GLYATL3: variants seen among roughly 807,000 people sequenced by gnomAD.
GLYATL3 encodes glycine N-acyltransferase-like protein 3.
A neutral mutation model predicts 28.5 loss-of-function variants in GLYATL3; 31 were observed. The observed-to-expected ratio is 1.09, with a 90% CI of 0.82 to 1.47. GLYATL3 has a LOEUF of 1.47. GLYATL3 is among the 40% of genes most tolerant of loss of function. The probability of loss-of-function intolerance (pLI) is 0.00; values close to 1 mark genes in which losing one functional copy is unlikely to be tolerated. For synonymous variants in GLYATL3, 141 were observed against 140.2 expected (o/e 1.01, Z -0.04); for missense variants, 369 against 351.5 (o/e 1.05, Z -0.40).
At chr6:49,516,896 G>A (rs1349346967) in intron 3 of GLYATL3, among the ~76,000 whole-genome samples, 1 of 151,684 alleles carries the variant, frequency 6.6e-6, no homozygotes, top group Non-Finnish European at 1.5e-5. Flanking sequence ...GGTGGCTCAT[G>A]CCTGTAATGC....
intron 1 of GLYATL3, among the ~76,000 whole-genome samples, chr6:49,509,726 A>C (rs1769078536): frequency 6.6e-6 from 1 of 152,216 alleles, no homozygotes; most frequent in Admixed American, 6.5e-5. Context: ...ACGAGTATTG[A>C]ATTGGGAATT....
chr6:49,524,209 T>G (rs1025759919), intron 5 of GLYATL3, among the ~76,000 whole-genome samples: 1 of 22,742 alleles, frequency 4.4e-5, no homozygotes, highest in African/African-American at 1.2e-4. Context: ...TAAAGTTCAT[T>G]TTCAAAAACT....
chr6:49,520,666 A>G (rs1417655801), intron 4 of GLYATL3, among the ~76,000 whole-genome samples: 1 of 152,214 alleles, frequency 6.6e-6, no homozygotes, highest in Admixed American at 6.5e-5. Flanking sequence ...AGGATGGAGT[A>G]GATGGGGATT....
rs146797482 is a variant in GLYATL3 at position 49,508,709 on chromosome 6, C to A, written c.-28-3254C>A. Among the ~76,000 whole-genome samples, 22 of 152,304 alleles carry A rather than the reference C, an allele frequency of 1.4e-4. No homozygotes were observed. The East Asian group carries it at 4.2e-3, about 29-fold the overall frequency. On this transcript the variant is annotated intron_variant, in intron 1 of 5. Transcript: ENST00000371197. ...GGCTCTCTGCAGGGGAAGCACATCACGTGCTGTTGGCTCATTCTGGCAGTC... is the reference window on the plus strand; with the variant it reads ...GGCTCTCTGCAGGGGAAGCACATCAAGTGCTGTTGGCTCATTCTGGCAGTC...
At position 49,512,015 on chromosome 6, in the gene GLYATL3, A is replaced by G; in HGVS notation, c.25A>G (p.Lys9Glu). The change falls in exon 2 of 6, where the codon AAA becomes GAA. Residue 9 changes from lysine (K) to glutamate (E), a missense_variant. Transcript: ENST00000371197. ...GATGTTGGTGCTAAACTGTTCTACC[A>G]AATTACTGATACTGGAGAAAATGTT... is the stretch of plus-strand genomic sequence containing the variant. Reference protein sequence around the residue: MLVLNCSTKLLILEKMLKS... With the variant: MLVLNCSTELLILEKMLKS... 1.3e-6 allele frequency: 2 copies of G among 1,505,142 alleles called. No homozygotes were observed. Among genetic ancestry groups the G allele is most frequent in the South Asian group, 2.5e-5 (2 of 80,718 alleles). 93.2% of individuals were successfully genotyped at this position (1,505,142 alleles called of 1,614,324 possible).
chr6:49,506,047 G>A lies in GLYATL3; in HGVS notation c.-28-5916G>A, dbSNP rs1769005346. On this transcript the variant is annotated intron_variant, in intron 1 of 5. Transcript: ENST00000371197. ...AAATAGATGAGATAATGCATAAGCAGGGATGCCTATGGTTGGTCTGAGATA... is the reference window on the plus strand; with the variant it reads ...AAATAGATGAGATAATGCATAAGCAAGGATGCCTATGGTTGGTCTGAGATA... 2.6e-5 allele frequency among the ~76,000 whole-genome samples: 4 copies of A among 152,206 alleles called. No individual in the cohort carries two copies. The South Asian group carries it at 6.2e-4, about 24-fold the overall frequency.
At chr6:49,515,788 A>T (rs1370009653) in intron 3 of GLYATL3, 28 bp downstream of exon 3, 1 of 1,316,222 alleles carries the variant, frequency 7.6e-7, no homozygotes, top group Non-Finnish European at 1.1e-6. Context: ...AAAAAGTTTA[A>T]AAATAATAAG....
At chr6:49,525,833 T>A (rs1193884026) in intron 5 of GLYATL3, among the ~76,000 whole-genome samples, 1 of 152,178 alleles carries the variant, frequency 6.6e-6, no homozygotes, top group East Asian at 1.9e-4. Flanking sequence ...GTTGGTTTTG[T>A]GTCAAGTTAG....
At chr6:49,521,580 C>T in intron 4 of GLYATL3, 65 bp from the exon 5 acceptor site, 1 of 1,430,556 alleles carries the variant, frequency 7.0e-7, no homozygotes, top group Non-Finnish European at 9.5e-7. Context: ...ATTACTGCAA[C>T]AAATTTCCTT....
Position 49,526,673 on chromosome 6 carries a change from T to G in GLYATL3, c.626T>G (p.Phe209Cys), listed in dbSNP as rs1233273623. The G allele has an allele frequency of 1.5e-5, 23 of 1,551,672 alleles. No homozygotes were observed. The highest frequency in any genetic ancestry group is 1.9e-5 in the Non-Finnish European group (22 of 1,147,022). ...NPVSWSITDQ[F>C]ATMCHGYTLP... ...GTCTCCTGGTCCATCACAGACCAGTTTGCCACCATGTGCCATGGCTACACC... is the reference window on the plus strand; with the variant it reads ...GTCTCCTGGTCCATCACAGACCAGTGTGCCACCATGTGCCATGGCTACACC... The change falls in exon 6 of 6, where the codon TTT becomes TGT. Residue 209 changes from phenylalanine (F) to cysteine (C), a missense_variant. Transcript: ENST00000371197.
chr6:49,504,407 C>T (rs1450259238), intron 1 of GLYATL3, among the ~76,000 whole-genome samples: 4 of 151,980 alleles, frequency 2.6e-5, no homozygotes, highest in Non-Finnish European at 5.9e-5. Flanking sequence ...CAAGCATAGC[C>T]TCTACCCCAC....
chr6:49,508,037 C>T (rs1172816489), intron 1 of GLYATL3, among the ~76,000 whole-genome samples: 1 of 152,112 alleles, frequency 6.6e-6, no homozygotes, highest in Admixed American at 6.5e-5. Flanking sequence ...TCTAACAGAG[C>T]TTTAAAACAG....
At chr6:49,508,207 A>G (rs949172570) in intron 1 of GLYATL3, among the ~76,000 whole-genome samples, 25 of 152,052 alleles carry the variant, frequency 1.6e-4, no homozygotes, top group African/African-American at 5.1e-4. Context: ...GAGGCAGGAG[A>G]ATGGCGTGAA....
intron 4 of GLYATL3, among the ~76,000 whole-genome samples, chr6:49,520,335 T>C (rs1008821311): frequency 1.3e-5 from 2 of 152,216 alleles, no homozygotes; most frequent in African/African-American, 4.8e-5. Flanking sequence ...AAGTAGGCAC[T>C]GCCTCCTTTT....
At chr6:49,518,837 A>C (rs1055901016) in intron 4 of GLYATL3, among the ~76,000 whole-genome samples, 21 of 152,206 alleles carry the variant, frequency 1.4e-4, no homozygotes, top group African/African-American at 5.1e-4. Context: ...GCTACTCAGG[A>C]GGCTGAGGCA....
chr6:49,522,489 T>C (rs1325011887), intron 5 of GLYATL3, among the ~76,000 whole-genome samples: 1 of 152,204 alleles, frequency 6.6e-6, no homozygotes, highest in East Asian at 1.9e-4. Flanking sequence ...TTTAAATTAA[T>C]ATCATTTTAA....
rs374223811 is a variant in GLYATL3, at chr6:49,518,982, C to T, written c.313+1426C>T. Among the ~76,000 whole-genome samples the T allele has an allele frequency of 4.6e-5, 7 of 152,154 alleles. 1 individual carries two copies. Among genetic ancestry groups the T allele is most frequent in the African/African-American group, 1.4e-4 (6 of 41,526 alleles). On this transcript the variant is annotated intron_variant, in intron 4 of 5. Coordinates refer to ENST00000371197, the MANE Select transcript of GLYATL3 (RefSeq NM_001010904.2). ...AATTATTCGTAAATGCGCAAAAAGA[C>T]CTTATGCAAGAAGCTCTAAACTATC...
chr6:49,519,036 C>T (rs1033742098), intron 4 of GLYATL3, among the ~76,000 whole-genome samples: 1 of 152,124 alleles, frequency 6.6e-6, no homozygotes, highest in Non-Finnish European at 1.5e-5. Context: ...GCCCCAGTCA[C>T]GCTGGTTAGA....
At chr6:49,521,218 TAGAG>T (rs1270612972) in intron 4 of GLYATL3, among the ~76,000 whole-genome samples, 1 of 152,160 alleles carries the variant, frequency 6.6e-6, no homozygotes, top group African/African-American at 2.4e-5. Flanking sequence ...CGAGGTGTAA[TAGAG>T]AGTCTTTGAA....
Sources: allele counts gnomAD v4.1 joint callset (sites outside exome capture counted in the v4.1 genomes callset), GRCh38; gene constraint gnomAD v4.1.1; transcripts MANE v1.5; gene names NCBI Gene and HGNC (gene_info 2026-07-23, HGNC 2026-07-21).